Variants in N4BP2L2 observed in about 807,000 individuals in gnomAD.
The protein encoded by N4BP2L2 is NEDD4 binding protein 2 like 2, also known as NEDD4-binding protein 2-like 2.
A neutral mutation model predicts 56.2 loss-of-function variants in N4BP2L2; 50 were observed. That is an observed-to-expected ratio of 0.89 (90% confidence interval 0.71 to 1.13). The LOEUF is 1.13. N4BP2L2 is among the 50% of genes most tolerant of loss of function. N4BP2L2 has a pLI of 0.00. For synonymous variants in N4BP2L2, 203 were observed against 223.6 expected, an observed-to-expected ratio of 0.91 and a Z score of 0.82; for missense variants, 689 against 693.8, an observed-to-expected ratio of 0.99 and a Z score of 0.08.
chr13:32,536,402 C>G, exon 2 of N4BP2L2: 1 of 1,613,984 alleles, frequency 6.2e-7, no homozygotes, highest in Middle Eastern at 1.6e-4. Flanking sequence ...ATTATTATGA[C>G]CCTCATAAAA....
rs77789423 is a variant in N4BP2L2 at position 32,447,124 on chromosome 13, G to A, written c.366-2998C>T. Among the ~76,000 whole-genome samples, 437 of 152,256 alleles carry A rather than the reference G, an allele frequency of 2.9e-3. 3 individuals are homozygous for A. The highest frequency in any genetic ancestry group is 9.4e-3 in the African/African-American group (389 of 41,538). ...GTGCATAAACAGAAGATACTCAGCT[G>A]GCAAGGGTTGAGTCCTTTTCATGAG... is the stretch of plus-strand genomic sequence containing the variant. On this transcript the variant is annotated intron_variant, in intron 6 of 9. Coordinates refer to the N4BP2L2 transcript ENST00000357505.
intron 6 of N4BP2L2, among the ~76,000 whole-genome samples, chr13:32,462,546 T>C (rs983282073): frequency 2.0e-5 from 3 of 152,120 alleles, no homozygotes; most frequent in Non-Finnish European, 4.4e-5. Flanking sequence ...CAATGTTTCA[T>C]AGCAGTGTAG....
intron 6 of N4BP2L2, among the ~76,000 whole-genome samples, chr13:32,454,514 T>A (rs2078629412): frequency 6.6e-6 from 1 of 152,120 alleles, no homozygotes; most frequent in South Asian, 2.1e-4. Flanking sequence ...AAGAAGTAAC[T>A]GTGGCCTATA....
At chr13:32,453,549 T>C (rs1426522502) in intron 6 of N4BP2L2, among the ~76,000 whole-genome samples, 1 of 152,196 alleles carries the variant, frequency 6.6e-6, no homozygotes, top group Non-Finnish European at 1.5e-5. Context: ...TTCACAGAAT[T>C]GAGCATAGCA....
downstream of N4BP2L2, chr13:32,506,952 G>A (rs1220663888): frequency 6.6e-6 from 1 of 150,968 alleles, no homozygotes; most frequent in Non-Finnish European, 1.5e-5. Flanking sequence ...ACAGAGAGAG[G>A]GCACAAGGAG....
chr13:32,443,753 C>T (rs759336574), exon 7 of N4BP2L2: 2 of 1,572,044 alleles, frequency 1.3e-6, no homozygotes, highest in South Asian at 1.2e-5. Context: ...AACAAACTTA[C>T]AAACAAGTTA....
intron 6 of N4BP2L2, among the ~76,000 whole-genome samples, chr13:32,493,383 TA>T (rs1193962963): frequency 6.6e-6 from 1 of 152,102 alleles, no homozygotes; most frequent in Non-Finnish European, 1.5e-5. Flanking sequence ...GGTATAAAAA[TA>T]AAAACAACAA....
At chr13:32,486,554 T>C (rs1455136354) in intron 6 of N4BP2L2, among the ~76,000 whole-genome samples, 1 of 152,038 alleles carries the variant, frequency 6.6e-6, no homozygotes, top group Non-Finnish European at 1.5e-5. Flanking sequence ...CTTGCACCTG[T>C]GGTCCCAGCT....
intron 6 of N4BP2L2, among the ~76,000 whole-genome samples, chr13:32,485,134 C>G: frequency 6.6e-6 from 1 of 152,106 alleles, no homozygotes; most frequent in Non-Finnish European, 1.5e-5. Context: ...TTATTCTCAC[C>G]TTCCTTGTTA....
At chr13:32,466,752 A>C (rs1400883767) in intron 6 of N4BP2L2, among the ~76,000 whole-genome samples, 1 of 150,826 alleles carries the variant, frequency 6.6e-6, no homozygotes, top group Non-Finnish European at 1.5e-5. Flanking sequence ...TCTTAGTTAT[A>C]TATAATCTTC....
intron 6 of N4BP2L2, among the ~76,000 whole-genome samples, chr13:32,498,569 T>G (rs1368948702): frequency 6.6e-6 from 1 of 151,748 alleles, no homozygotes; most frequent in African/African-American, 2.4e-5. Context: ...CTCGAACTCC[T>G]GACCTCAAGT....
chr13:32,491,271 T>G (rs2087001723), intron 6 of N4BP2L2, among the ~76,000 whole-genome samples: 1 of 152,048 alleles, frequency 6.6e-6, no homozygotes, highest in Non-Finnish European at 1.5e-5. Flanking sequence ...TATAAAACTA[T>G]TACATGCTCA....
chr13:32,453,500 G>A (rs950448968), intron 6 of N4BP2L2, among the ~76,000 whole-genome samples: 12 of 152,026 alleles, frequency 7.9e-5, no homozygotes, highest in African/African-American at 2.9e-4. Flanking sequence ...TTTTGAGACA[G>A]GGTATGGCTA....
chr13:32,467,683 T>C (rs2081473528), intron 6 of N4BP2L2, among the ~76,000 whole-genome samples: 1 of 151,590 alleles, frequency 6.6e-6, no homozygotes, highest in African/African-American at 2.4e-5. Flanking sequence ...GTTTGAGGGC[T>C]ATAGTAAATT....
chr13:32,446,572 T>C, intron 6 of N4BP2L2: 1 of 1,251,336 alleles, frequency 8.0e-7, no homozygotes, highest in Non-Finnish European at 1.0e-6. Flanking sequence ...CGTAAGAGAC[T>C]CACTGCAGCA....
At chr13:32,489,597 G>T (rs944699572) in intron 6 of N4BP2L2, among the ~76,000 whole-genome samples, 1 of 152,046 alleles carries the variant, frequency 6.6e-6, no homozygotes, top group Non-Finnish European at 1.5e-5. Context: ...ATATGGAAAA[G>T]AGTTTTTATT....
At chr13:32,511,697 C>G (rs986552883) in exon 6 of N4BP2L2, 2 of 152,052 alleles carry the variant, frequency 1.3e-5, no homozygotes, top group Non-Finnish European at 2.9e-5. Context: ...TATTATCTCC[C>G]GCTTTGCCAG....
chr13:32,434,248 C>CTTTTTTTTTTTTTTTTTTTTTT (rs369328452), intron 9 of N4BP2L2, among the ~76,000 whole-genome samples: 1 of 112,038 alleles, frequency 8.9e-6, no homozygotes. Context: ...AGCTAATTTT[C>CTTTTTTTTTTTTTTTTTTTTTT]TTTTTTTCTT....
intron 6 of N4BP2L2, among the ~76,000 whole-genome samples, chr13:32,474,058 A>G (rs1030863394): frequency 2.6e-5 from 4 of 152,226 alleles, no homozygotes; most frequent in Admixed American, 2.6e-4. Context: ...TGCATATAAT[A>G]AGGGTATCAT....
Sources: allele counts gnomAD v4.1 joint callset (sites outside exome capture counted in the v4.1 genomes callset), GRCh38; gene constraint gnomAD v4.1.1; transcripts MANE v1.5; gene names NCBI Gene and HGNC (gene_info 2026-07-23, HGNC 2026-07-21).